SPTSSA: variants seen among roughly 807,000 people sequenced by gnomAD.
The protein encoded by SPTSSA is small subunit of serine palmitoyltransferase A.
Under a neutral mutation model 9.1 loss-of-function variants are expected in SPTSSA, and 8 were observed. The ratio of observed to expected loss-of-function variants is 0.88; its 90% CI spans 0.51 to 1.58. The LOEUF is 1.58. SPTSSA is among the 40% of genes most tolerant of loss of function. The pLI is 0.00. For synonymous variants in SPTSSA, 42 were observed against 37.7 expected (o/e 1.11, Z -0.41); for missense variants, 100 against 93.8 (o/e 1.07, Z -0.27).
intron 1 of SPTSSA, among the ~76,000 whole-genome samples, chr14:34,447,848 A>C (rs1883448655): frequency 6.6e-6 from 1 of 152,204 alleles, no homozygotes; most frequent in South Asian, 2.1e-4. Context: ...GTTCCCATTA[A>C]ATCTTTTAAC....
intron 1 of SPTSSA, among the ~76,000 whole-genome samples, chr14:34,460,199 A>G (rs1352366952): frequency 6.6e-6 from 1 of 152,256 alleles, no homozygotes; most frequent in Non-Finnish European, 1.5e-5. Context: ...AACAGCTGAT[A>G]GTAATTCAAG....
intron 1 of SPTSSA, among the ~76,000 whole-genome samples, chr14:34,438,193 TTTGTCTTGGGC>T (rs1414108588): frequency 6.6e-6 from 1 of 152,140 alleles, no homozygotes; most frequent in Non-Finnish European, 1.5e-5. Context: ...TTCCCATCGT[TTTGTCTTGGGC>T]CCCATATTCC....
In SPTSSA at chr14:34,435,125, T is replaced by C. The variant is rs76375673; in HGVS notation, c.*76A>G. 1 of 1,128,182 alleles carries C rather than the reference T, an allele frequency of 8.9e-7. No individual in the cohort carries two copies. Among genetic ancestry groups the C allele is most frequent in the Non-Finnish European group, 1.3e-6 (1 of 768,522 alleles). 69.9% of individuals were successfully genotyped at this position (1,128,182 alleles called of 1,614,324 possible). A position where few individuals can be genotyped will look rare whatever the true frequency, so the allele number is the denominator to read the frequency against. Reference sequence around the variant, plus strand: ...TGTTGACATCTAGAAGAGTTTCTTATCACATCTGATGGTCTCATTCCAACT... The same window carrying C: ...TGTTGACATCTAGAAGAGTTTCTTACCACATCTGATGGTCTCATTCCAACT... On this transcript the variant is annotated 3_prime_UTR_variant, in exon 2 of 2. Coordinates refer to ENST00000298130, the MANE Select transcript of SPTSSA (RefSeq NM_138288.4).
At chr14:34,449,815 T>C (rs1883488257) in intron 1 of SPTSSA, among the ~76,000 whole-genome samples, 1 of 152,236 alleles carries the variant, frequency 6.6e-6, no homozygotes, top group Non-Finnish European at 1.5e-5. Context: ...GGCATTGGTT[T>C]TATTGTCACA....
intron 1 of SPTSSA, among the ~76,000 whole-genome samples, chr14:34,451,717 C>CAAAAAAAAA (rs35096900): frequency 1.3e-5 from 1 of 77,182 alleles, no homozygotes; most frequent in Admixed American, 1.6e-4. Flanking sequence ...GACTCTGTTT[C>CAAAAAAAAA]AAAAAAAAAA....
chr14:34,455,019 G>A (rs1413309713), intron 1 of SPTSSA, among the ~76,000 whole-genome samples: 4 of 150,810 alleles, frequency 2.7e-5, no homozygotes, highest in Non-Finnish European at 5.9e-5. Flanking sequence ...CCCAGGAGGC[G>A]GAGGCTACAG....
At chr14:34,450,171 A>G (rs529400330) in intron 1 of SPTSSA, among the ~76,000 whole-genome samples, 8 of 152,348 alleles carry the variant, frequency 5.3e-5, no homozygotes, top group African/African-American at 1.9e-4. Context: ...ATCCTCATTA[A>G]AACTGTTCTT....
intron 1 of SPTSSA, among the ~76,000 whole-genome samples, chr14:34,449,503 C>CTTTTTTTTTTTTTTT (rs35238717): frequency 1.6e-5 from 2 of 123,732 alleles, no homozygotes; most frequent in African/African-American, 6.2e-5. Flanking sequence ...CCCGGCCTCC[C>CTTTTTTTTTTTTTTT]TTTTTTTTTT....
intron 1 of SPTSSA, among the ~76,000 whole-genome samples, chr14:34,443,896 C>T (rs1883375796): frequency 6.6e-6 from 1 of 152,074 alleles, no homozygotes; most frequent in African/African-American, 2.4e-5. Context: ...CTAATTTCTC[C>T]AAAATTTGCA....
At chr14:34,456,042 G>C (rs1046951421) in intron 1 of SPTSSA, among the ~76,000 whole-genome samples, 2 of 152,024 alleles carry the variant, frequency 1.3e-5, no homozygotes, top group African/African-American at 4.8e-5. Context: ...TAAAATGTGT[G>C]GCTGGGCGCG....
chr14:34,460,326 C>A (rs1878590684), intron 1 of SPTSSA, among the ~76,000 whole-genome samples: 1 of 151,952 alleles, frequency 6.6e-6, no homozygotes. Flanking sequence ...TATTGGATGT[C>A]AGTTGGTTGC....
intron 1 of SPTSSA, among the ~76,000 whole-genome samples, chr14:34,458,260 T>A (rs1878530986): frequency 6.6e-6 from 1 of 151,980 alleles, no homozygotes; most frequent in African/African-American, 2.4e-5. Flanking sequence ...TGGCGCCATC[T>A]CAGCTCACTG....
intron 1 of SPTSSA, among the ~76,000 whole-genome samples, chr14:34,446,770 A>G (rs558961817): frequency 2.6e-5 from 4 of 152,354 alleles, no homozygotes; most frequent in Admixed American, 1.3e-4. Context: ...TTTAAAGGCT[A>G]TCATCACACA....
chr14:34,461,821 G>A (rs1312407977), intron 1 of SPTSSA, among the ~76,000 whole-genome samples: 1 of 152,126 alleles, frequency 6.6e-6, no homozygotes, highest in Non-Finnish European at 1.5e-5. Flanking sequence ...CATCACCTTC[G>A]GAGATTTCCT....
intron 1 of SPTSSA, among the ~76,000 whole-genome samples, chr14:34,456,575 G>C (rs924320779): frequency 1.3e-5 from 2 of 151,846 alleles, no homozygotes; most frequent in African/African-American, 4.8e-5. Context: ...AGTGATTATA[G>C]ACTAATATGA....
rs780614461 is a variant in SPTSSA, at chr14:34,462,081, G to A, written c.112+15C>T. The A allele has an allele frequency of 7.1e-7, 1 of 1,399,426 alleles. No homozygotes were observed. The highest frequency in any genetic ancestry group is 9.4e-7 in the Non-Finnish European group (1 of 1,062,466). 86.7% of individuals were successfully genotyped at this position (1,399,426 alleles called of 1,614,324 possible). A position where few individuals can be genotyped will look rare whatever the true frequency, so the allele number is the denominator to read the frequency against. ...CCCCAGCCCGGCCCCCGCGCGCGCG[G>A]CCGGGACAGGATACTGAACACCGTC... On this transcript the variant is annotated intron_variant, in intron 1 of 1. Coordinates refer to ENST00000298130, the MANE Select transcript of SPTSSA (RefSeq NM_138288.4).
chr14:34,445,259 C>G (rs1883401930), intron 1 of SPTSSA, among the ~76,000 whole-genome samples: 1 of 151,930 alleles, frequency 6.6e-6, no homozygotes, highest in Non-Finnish European at 1.5e-5. Context: ...TCCCAACACT[C>G]TGGGAGGCCA....
chr14:34,442,314 C>G (rs1883330893), intron 1 of SPTSSA, among the ~76,000 whole-genome samples: 2 of 152,162 alleles, frequency 1.3e-5, no homozygotes, highest in Admixed American at 6.5e-5. Context: ...TAAATTTTTC[C>G]TTTATCAAAC....
chr14:34,442,738 GC>G (rs1228337025), intron 1 of SPTSSA, among the ~76,000 whole-genome samples: 1 of 152,178 alleles, frequency 6.6e-6, no homozygotes, highest in African/African-American at 2.4e-5. Context: ...ACGATCCTTT[GC>G]TACTGTTTGG....
Sources: gnomAD v4.1 joint callset for allele counts (sites outside exome capture counted in the v4.1 genomes callset) on GRCh38, gnomAD v4.1.1 for gene constraint, MANE v1.5 for transcripts, NCBI Gene and HGNC (gene_info 2026-07-23, HGNC 2026-07-21) for gene names.